The following DMD variants were observed in gnomAD, a reference collection of about 807,000 sequenced individuals.
DMD encodes the protein dystrophin.
A neutral mutation model predicts 330.1 loss-of-function variants in DMD; 63 were observed. The ratio of observed to expected loss-of-function variants is 0.19; its 90% confidence interval spans 0.16 to 0.24. The LOEUF (loss-of-function observed/expected upper bound fraction) is 0.24. DMD is among the 10% of genes least tolerant of loss of function. DMD has a pLI of 1.00. For synonymous variants in DMD, 1,223 were observed against 959.8 expected, an observed-to-expected ratio of 1.27 and a Z score of -5.07; for missense variants, 3,344 against 2,684.1, an observed-to-expected ratio of 1.25 and a Z score of -5.43.
At chrX:33,221,725 A>T (rs753744980) in intron 1 of DMD, among the ~76,000 whole-genome samples, 1 of 111,143 alleles carries the variant, frequency 9.0e-6, no homozygotes. Context: ...AAAAAAAGAC[A>T]GTAAGGGTTT....
In DMD at chrX:32,804,717, A is replaced by G. The variant is rs767453986; in HGVS notation, c.649+4776T>C. On this transcript the variant is annotated intron_variant, in intron 7 of 78. Coordinates refer to ENST00000357033, the MANE Select transcript of DMD (RefSeq NM_004006.3). ...GCAGGGGTCGACAGACACATCATACAGGAGAGCTCTGGCTGGCAACTGGTG... is the reference window on the plus strand; with the variant it reads ...GCAGGGGTCGACAGACACATCATACGGGAGAGCTCTGGCTGGCAACTGGTG... Among the ~76,000 whole-genome samples the G allele has an allele frequency of 1.1e-3, 123 of 112,102 alleles. 1 individual carries two copies. Among genetic ancestry groups the G allele is most frequent in the African/African-American group, 3.9e-3 (120 of 30,881 alleles).
At chrX:33,152,762 C>T (rs1365571101) in intron 1 of DMD, among the ~76,000 whole-genome samples, 2 of 111,039 alleles carry the variant, frequency 1.8e-5, no homozygotes, top group Non-Finnish European at 3.8e-5. Context: ...TCATTCCAAA[C>T]GAGAAAAGCT....
At chrX:31,649,459 A>G (rs1285203944) in intron 54 of DMD, among the ~76,000 whole-genome samples, 3 of 111,900 alleles carry the variant, frequency 2.7e-5, no homozygotes, top group Non-Finnish European at 5.6e-5. Context: ...GATGACATAA[A>G]ATGAAGCAGG....
At chrX:32,640,158 G>C (rs1322578331) in intron 11 of DMD, among the ~76,000 whole-genome samples, 1 of 108,961 alleles carries the variant, frequency 9.2e-6, no homozygotes, top group Non-Finnish European at 1.9e-5. Flanking sequence ...CATATAAAAA[G>C]TGACATGGTA....
At chrX:32,097,653 A>G (rs2096517425) in intron 44 of DMD, among the ~76,000 whole-genome samples, 1 of 112,364 alleles carries the variant, frequency 8.9e-6, no homozygotes, top group South Asian at 3.6e-4. Context: ...TAAATACAAC[A>G]TGTATATGGA....
chrX:32,493,677 G>A (rs1047657430), intron 19 of DMD, among the ~76,000 whole-genome samples: 22 of 111,532 alleles, frequency 2.0e-4, no homozygotes, highest in African/African-American at 5.9e-4. Flanking sequence ...TGAGCACTCC[G>A]TTTGAAAAAA....
At chrX:32,975,639 G>C (rs1455515521) in intron 2 of DMD, among the ~76,000 whole-genome samples, 3 of 110,919 alleles carry the variant, frequency 2.7e-5, no homozygotes, top group Non-Finnish European at 5.7e-5. Flanking sequence ...GGATAGTTTT[G>C]TTTTCCTGAT....
intron 1 of DMD, among the ~76,000 whole-genome samples, chrX:33,100,015 A>G (rs1334647540): frequency 8.9e-6 from 1 of 112,330 alleles, no homozygotes; most frequent in Non-Finnish European, 1.9e-5. Context: ...ACGCAACATA[A>G]GAAGATAAAG....
intron 2 of DMD, among the ~76,000 whole-genome samples, chrX:32,895,844 CGTGTGT>C (rs5902042): frequency 0.32 from 31,695 of 99,447 alleles, 3,806 homozygotes; most frequent in East Asian, 0.42. Context: ...TTGGAATGAA[CGTGTGT>C]GTGTGTGTGT....
intron 55 of DMD, among the ~76,000 whole-genome samples, chrX:31,615,116 C>T (rs5972419): frequency 9.0e-6 from 1 of 111,236 alleles, no homozygotes; most frequent in African/African-American, 3.3e-5. Context: ...AGACCAATAA[C>T]CCTAAAAAAT....
chrX:31,925,694 A>G (rs2094761747), intron 47 of DMD, among the ~76,000 whole-genome samples: 1 of 110,346 alleles, frequency 9.1e-6, no homozygotes, highest in Admixed American at 9.7e-5. Flanking sequence ...CAACGTGGTG[A>G]AACCCCGTCT....
At chrX:31,667,568 A>G (rs1409523002) in intron 53 of DMD, among the ~76,000 whole-genome samples, 1 of 110,725 alleles carries the variant, frequency 9.0e-6, no homozygotes, top group Non-Finnish European at 1.9e-5. Context: ...TAATACAAAA[A>G]TATAGTTTGA....
Position 32,463,609 on chromosome X carries a change from C to A in DMD, c.3277-15G>T, listed in dbSNP as rs2098391084. Reference sequence around the variant, plus strand: ...CTGACTAAAAGCTAAGAAAATAAATCAATTTAAGCCAGCTGAAAAAAATTA... The same window carrying A: ...CTGACTAAAAGCTAAGAAAATAAATAAATTTAAGCCAGCTGAAAAAAATTA... On this transcript the variant is annotated splice_polypyrimidine_tract_variant and intron_variant, in intron 24 of 78. Transcript: ENST00000357033. 10 of 1,106,027 alleles carry A rather than the reference C, an allele frequency of 9.0e-6. No individual in the cohort carries two copies. Among genetic ancestry groups the A allele is most frequent in the Non-Finnish European group, 1.2e-5 (10 of 838,767 alleles). 91.1% of individuals were successfully genotyped at this position (1,106,027 alleles called of 1,213,427 possible). A position where few individuals can be genotyped will look rare whatever the true frequency, so the allele number is the denominator to read the frequency against.
At chrX:31,669,049 G>A (rs950194145) in intron 53 of DMD, among the ~76,000 whole-genome samples, 9 of 112,015 alleles carry the variant, frequency 8.0e-5, no homozygotes, top group African/African-American at 2.9e-4. Flanking sequence ...TGGCTTTTGT[G>A]ACTAATGCTG....
chrX:31,692,483 T>C (rs966875704), intron 52 of DMD, among the ~76,000 whole-genome samples: 2 of 111,603 alleles, frequency 1.8e-5, no homozygotes, highest in African/African-American at 6.5e-5. Context: ...AACTAAAAGT[T>C]GGTTTTTTGA....
intron 25 of DMD, among the ~76,000 whole-genome samples, chrX:32,456,908 T>C (rs1279392260): frequency 1.0e-5 from 1 of 99,285 alleles, no homozygotes; most frequent in Admixed American, 1.1e-4. Context: ...AGGTGTTGAG[T>C]GGGCAAATGG....
chrX:31,290,249 A>C (rs1160238977), intron 62 of DMD, among the ~76,000 whole-genome samples: 1 of 110,759 alleles, frequency 9.0e-6, no homozygotes, highest in African/African-American at 3.3e-5. Context: ...TTATTTTAAA[A>C]ATCCTAATTT....
intron 1 of DMD, among the ~76,000 whole-genome samples, chrX:33,107,406 C>G (rs2095300820): frequency 1.0e-5 from 1 of 99,975 alleles, no homozygotes; most frequent in African/African-American, 3.7e-5. Context: ...AATAAAATAC[C>G]ATTTGCTGTC....
chrX:32,883,846 A>AAAG (rs1557113666), intron 2 of DMD, among the ~76,000 whole-genome samples: 38 of 101,964 alleles, frequency 3.7e-4, no homozygotes, highest in African/African-American at 1.3e-3. Flanking sequence ...AAAAAAAAAA[A>AAAG]AAAAAGAAAA....
Sources: gnomAD v4.1 joint callset for allele counts (sites outside exome capture counted in the v4.1 genomes callset) on GRCh38, gnomAD v4.1.1 for gene constraint, MANE v1.5 for transcripts, NCBI Gene and HGNC (gene_info 2026-07-23, HGNC 2026-07-21) for gene names.